The following GALNT13 variants were observed in gnomAD, a reference collection of about 807,000 sequenced individuals.
GALNT13 encodes UDP-GalNAc:polypeptide N-acetylgalactosaminyltransferase 13.
A neutral mutation model predicts 64.2 loss-of-function variants in GALNT13; 28 were observed. That is an observed-to-expected ratio of 0.44 (90% CI 0.32 to 0.60). The LOEUF is 0.60. GALNT13 is among the 20% of genes least tolerant of loss of function. The pLI, the probability that GALNT13 is intolerant of heterozygous loss-of-function variation, is 0.05. For synonymous variants in GALNT13, 214 were observed against 224.6 expected (o/e 0.95, Z 0.42); for missense variants, 577 against 669.8 (o/e 0.86, Z 1.53).
At chr2:154,375,977 C>T (rs1308784052) in intron 9 of GALNT13, among the ~76,000 whole-genome samples, 1 of 152,086 alleles carries the variant, frequency 6.6e-6, no homozygotes, top group African/African-American at 2.4e-5. Flanking sequence ...GTTGGAAGGA[C>T]GTAGTTGTTA....
the GALNT13 span, among the ~76,000 whole-genome samples, chr2:153,072,887 A>T: frequency 6.6e-6 from 1 of 152,200 alleles, no homozygotes; most frequent in Middle Eastern, 3.2e-3. Context: ...TGTTTAAATT[A>T]CACAACGGTT....
the GALNT13 span, among the ~76,000 whole-genome samples, chr2:153,351,525 G>A: frequency 6.6e-6 from 1 of 152,212 alleles, no homozygotes; most frequent in East Asian, 1.9e-4. Context: ...TACAGCCTAT[G>A]GATTTGGACA....
At position 154,002,045 on chromosome 2, in the gene GALNT13, A is replaced by G. The variant is rs149616097; in HGVS notation, c.142+57406A>G. Among the ~76,000 whole-genome samples the G allele has an allele frequency of 5.8e-4, 88 of 152,148 alleles. No individual in the cohort carries two copies. In the East Asian group the frequency reaches 0.015, roughly 27 times the overall value. ...TGCTGAAAAATCTGCTGGAAGCTCT[A>G]TTGGGGCTCTGTTGTATTTGGTATA... On this transcript the variant is annotated intron_variant, in intron 3 of 12. Coordinates refer to ENST00000392825, the MANE Select transcript of GALNT13 (RefSeq NM_052917.4).
the GALNT13 span, among the ~76,000 whole-genome samples, chr2:153,692,552 T>A: frequency 6.6e-6 from 1 of 152,216 alleles, no homozygotes; most frequent in Non-Finnish European, 1.5e-5. Context: ...ATTGTTTCTT[T>A]AGTTGGAATA....
At chr2:153,249,633 A>G in the GALNT13 span, among the ~76,000 whole-genome samples, 2 of 152,194 alleles carry the variant, frequency 1.3e-5, no homozygotes, top group African/African-American at 2.4e-5. Flanking sequence ...ACTATACTAC[A>G]AGTCTACAGT....
At chr2:153,564,340 C>A in the GALNT13 span, among the ~76,000 whole-genome samples, 131 of 152,066 alleles carry the variant, frequency 8.6e-4, 1 homozygote, top group African/African-American at 3.1e-3. Context: ...AATATTTATA[C>A]CATACTAAAA....
chr2:153,626,280 A>C, the GALNT13 span, among the ~76,000 whole-genome samples: 4 of 152,232 alleles, frequency 2.6e-5, no homozygotes, highest in African/African-American at 9.6e-5. Context: ...ACACAACCTA[A>C]ATATTAAATA....
At chr2:153,406,405 A>G in the GALNT13 span, among the ~76,000 whole-genome samples, 5,279 of 150,762 alleles carry the variant, frequency 0.035, 329 homozygotes, top group African/African-American at 0.12. Context: ...TAAATTCTCT[A>G]TTTTTTTTTC....
chr2:153,325,114 GTTTTTTTTTTTTTTTT>G, the GALNT13 span, among the ~76,000 whole-genome samples: 1 of 72,634 alleles, frequency 1.4e-5, no homozygotes, highest in African/African-American at 6.0e-5. Flanking sequence ...CTGGACCTGG[GTTTTTTTTTTTTTTTT>G]TTTTTTTTTT....
At chr2:154,183,750 A>G (rs955003569) in intron 4 of GALNT13, among the ~76,000 whole-genome samples, 8 of 151,494 alleles carry the variant, frequency 5.3e-5, no homozygotes, top group Non-Finnish European at 1.2e-4. Context: ...GTCAATTTTG[A>G]TTCTCTTTTC....
the GALNT13 span, among the ~76,000 whole-genome samples, chr2:153,768,294 G>C: frequency 6.6e-6 from 1 of 152,126 alleles, no homozygotes; most frequent in Admixed American, 6.5e-5. Flanking sequence ...TTCCATAAAG[G>C]TCTTATAGGT....
chr2:153,420,753 G>A, the GALNT13 span: 7 of 230,810 alleles, frequency 3.0e-5, no homozygotes, highest in Non-Finnish European at 6.8e-5. Context: ...GTCCTCACAG[G>A]CCTCAGAAAA....
chr2:154,337,215 A>C (rs1423535421), intron 9 of GALNT13, among the ~76,000 whole-genome samples: 1 of 152,054 alleles, frequency 6.6e-6, no homozygotes. Context: ...GTTCAATATG[A>C]AGAGACATTG....
At chr2:153,547,437 T>C in the GALNT13 span, among the ~76,000 whole-genome samples, 2 of 152,238 alleles carry the variant, frequency 1.3e-5, no homozygotes, top group Non-Finnish European at 2.9e-5. Context: ...GCATTCATAC[T>C]ACAGGTAAAA....
chr2:153,311,501 T>C, the GALNT13 span, among the ~76,000 whole-genome samples: 1 of 152,276 alleles, frequency 6.6e-6, no homozygotes, highest in Admixed American at 6.5e-5. Context: ...ACGGGAACAG[T>C]TTAGCTGAGT....
In GALNT13 at chr2:154,259,204, C is replaced by G. The variant is rs902640705; in HGVS notation, c.975+66C>G. The G allele has an allele frequency of 3.6e-6, 3 of 842,354 alleles. No homozygotes were observed. The African/African-American group carries it at 5.3e-5, about 15-fold the overall frequency. The allele number at this position is 842,354 out of a possible 1,614,324, so 52.2% of individuals were successfully genotyped here. On this transcript the variant is annotated intron_variant, in intron 8 of 12. Coordinates refer to ENST00000392825, the MANE Select transcript of GALNT13 (RefSeq NM_052917.4). ...ATGCTGTAGCATGCACATACCAGTC[C>G]CAGTAATTTACTGTCAAATCATTTT...
the GALNT13 span, among the ~76,000 whole-genome samples, chr2:153,821,472 C>T: frequency 2.0e-5 from 3 of 152,142 alleles, no homozygotes; most frequent in Non-Finnish European, 2.9e-5. Flanking sequence ...GCAAATTAAA[C>T]TTCTCCTGAA....
chr2:153,893,681 A>T (rs1445009837), intron 1 of GALNT13, among the ~76,000 whole-genome samples: 1 of 152,082 alleles, frequency 6.6e-6, no homozygotes, highest in African/African-American at 2.4e-5. Context: ...GAATATAAAT[A>T]AATATTATTT....
At chr2:154,171,629 A>T (rs16836176) in intron 4 of GALNT13, among the ~76,000 whole-genome samples, 10,810 of 152,130 alleles carry the variant, frequency 0.071, 468 homozygotes, top group Middle Eastern at 0.13. Flanking sequence ...CTGCTTTGGA[A>T]CACTCTGAAG....
Sources: allele counts gnomAD v4.1 joint callset (sites outside exome capture counted in the v4.1 genomes callset), GRCh38; gene constraint gnomAD v4.1.1; transcripts MANE v1.5; gene names NCBI Gene and HGNC (gene_info 2026-07-23, HGNC 2026-07-21).